The following LRRFIP2 variants were observed in gnomAD, a reference collection of about 807,000 sequenced individuals.
The protein encoded by LRRFIP2 is leucine-rich repeat flightless-interacting protein 2.
In LRRFIP2, 109 loss-of-function variants were observed where a neutral mutation model predicts 125.9. That is an observed-to-expected ratio of 0.87 (90% confidence interval 0.74 to 1.01). The LOEUF is 1.01. LRRFIP2 is among the 50% of genes least tolerant of loss of function. LRRFIP2 has a pLI of 0.00. For synonymous variants in LRRFIP2, 291 were observed against 293.1 expected (o/e 0.99, Z 0.07); for missense variants, 850 against 862.3 (o/e 0.99, Z 0.18).
intron 25 of LRRFIP2, among the ~76,000 whole-genome samples, chr3:37,056,648 T>A (rs1215738254): frequency 6.6e-6 from 1 of 151,802 alleles, no homozygotes; most frequent in African/African-American, 2.4e-5. Context: ...AGAGACGGGG[T>A]TTCACCATGT....
At chr3:37,081,639 T>C (rs2092647045) in intron 19 of LRRFIP2, among the ~76,000 whole-genome samples, 1 of 152,064 alleles carries the variant, frequency 6.6e-6, no homozygotes, top group African/African-American at 2.4e-5. Context: ...ATCTCAGCAC[T>C]GTGGGAAGCT....
chr3:37,169,469 T>C lies in LRRFIP2; in HGVS notation c.-56+5070A>G, dbSNP rs113267079. Reference sequence around the variant, plus strand: ...TTTTCTACATTTAGTCCTATAATCCTTAGGTCACTTAACTGGGATACTCAC... The same window carrying C: ...TTTTCTACATTTAGTCCTATAATCCCTAGGTCACTTAACTGGGATACTCAC... On this transcript the variant is annotated intron_variant, in intron 1 of 27. Transcript: ENST00000336686. 9.5e-3 allele frequency among the ~76,000 whole-genome samples: 1,445 copies of C among 152,292 alleles called. 21 individuals are homozygous for C. The highest frequency in any genetic ancestry group is 0.033 in the African/African-American group (1,385 of 41,562).
intron 18 of LRRFIP2, among the ~76,000 whole-genome samples, chr3:37,086,070 A>T (rs907006060): frequency 1.3e-5 from 2 of 152,228 alleles, no homozygotes; most frequent in Admixed American, 1.3e-4. Context: ...AAGGACCTGG[A>T]TATTTCTCCA....
chr3:37,167,484 T>C (rs2096523464), intron 1 of LRRFIP2, among the ~76,000 whole-genome samples: 1 of 148,606 alleles, frequency 6.7e-6, no homozygotes, highest in South Asian at 2.1e-4. Flanking sequence ...CGAAACCCCG[T>C]CTCTACTGAA....
At chr3:37,107,879 C>T (rs1489358630) in intron 13 of LRRFIP2, among the ~76,000 whole-genome samples, 194 bp downstream of exon 13, 6 of 152,172 alleles carry the variant, frequency 3.9e-5, no homozygotes, top group African/African-American at 1.2e-4. Flanking sequence ...TAAGAAATTA[C>T]ATGCTAAGTC....
chr3:37,128,703 T>C (rs1247544514), intron 3 of LRRFIP2, among the ~76,000 whole-genome samples: 1 of 152,212 alleles, frequency 6.6e-6, no homozygotes, highest in Non-Finnish European at 1.5e-5. Context: ...TAAGTCTGAA[T>C]GACTTTACAG....
At chr3:37,130,648 C>T (rs1458042836) in intron 2 of LRRFIP2, among the ~76,000 whole-genome samples, 1 of 152,218 alleles carries the variant, frequency 6.6e-6, no homozygotes, top group Admixed American at 6.5e-5. Flanking sequence ...TAAAATCTCT[C>T]AGGACGTCAA....
At position 37,052,768 on chromosome 3, in the gene LRRFIP2, T is replaced by C. The variant is rs1027523448; in HGVS notation, c.*1083A>G. 1 of 152,218 alleles carries C rather than the reference T, an allele frequency of 6.6e-6. No individual in the cohort carries two copies. The highest frequency in any genetic ancestry group is 6.5e-5 in the Admixed American group (1 of 15,278). The allele number at this position is 152,218 out of a possible 1,614,324, so 9.4% of individuals were successfully genotyped here. A position where few individuals can be genotyped will look rare whatever the true frequency, so the allele number is the denominator to read the frequency against. Reference sequence around the variant, plus strand: ...ACTTTAAAGATACAATAATCATTTCTATAAAACCACCTGGGTACTAAGAGC... The same window carrying C: ...ACTTTAAAGATACAATAATCATTTCCATAAAACCACCTGGGTACTAAGAGC... On this transcript the variant is annotated 3_prime_UTR_variant, in exon 28 of 28. Transcript: ENST00000336686.
In LRRFIP2 at chr3:37,105,438, A is replaced by G; in HGVS notation, c.783+17T>C. The G allele has an allele frequency of 5.6e-6, 9 of 1,608,922 alleles. No homozygotes were observed. Among genetic ancestry groups the G allele is most frequent in the South Asian group, 1.1e-5 (1 of 90,974 alleles). ...TTTAAAACTCATCTTATTTCTTTGCATGCAAATCATGCTCACCACACTCTC... is the reference window on the plus strand; with the variant it reads ...TTTAAAACTCATCTTATTTCTTTGCGTGCAAATCATGCTCACCACACTCTC... On this transcript the variant is annotated intron_variant, in intron 14 of 27. Transcript: ENST00000336686.
intron 6 of LRRFIP2, among the ~76,000 whole-genome samples, chr3:37,119,518 G>A (rs964654152): frequency 1.3e-5 from 2 of 152,028 alleles, no homozygotes; most frequent in African/African-American, 4.8e-5. Context: ...TAACAACTGT[G>A]TGAAAATACA....
intron 5 of LRRFIP2, 37 bp downstream of exon 5, chr3:37,121,598 A>G (rs763318467): frequency 2.5e-6 from 4 of 1,613,698 alleles, no homozygotes; most frequent in Admixed American, 1.7e-5. Context: ...GCTAATGAGG[A>G]AAAGTATTAG....
At chr3:37,165,415 T>C (rs1442517607) in intron 1 of LRRFIP2, among the ~76,000 whole-genome samples, 1 of 109,690 alleles carries the variant, frequency 9.1e-6, no homozygotes, top group Non-Finnish European at 1.7e-5. Context: ...CAAAACTGAA[T>C]CCTGGTGCCA....
At chr3:37,065,338 T>C (rs2089902925) in intron 23 of LRRFIP2, 4 of 294,678 alleles carry the variant, frequency 1.4e-5, no homozygotes, top group South Asian at 1.3e-4. Context: ...AAGTCATACT[T>C]CTCTGATATC....
At chr3:37,163,833 G>C (rs551281099) in intron 1 of LRRFIP2, among the ~76,000 whole-genome samples, 2 of 152,286 alleles carry the variant, frequency 1.3e-5, no homozygotes, top group East Asian at 3.9e-4. Context: ...GTTAAAATAG[G>C]CTTGTGATTT....
intron 25 of LRRFIP2, 56 bp downstream of exon 25, chr3:37,058,734 A>AC: frequency 6.4e-7 from 1 of 1,572,374 alleles, no homozygotes; most frequent in Non-Finnish European, 8.6e-7. Flanking sequence ...TGACAAACCC[A>AC]CCCCTGGGAC....
chr3:37,121,792 T>C (rs1484333499), intron 4 of LRRFIP2, 101 bp from the exon 5 acceptor site: 3 of 1,101,692 alleles, frequency 2.7e-6, no homozygotes, highest in Admixed American at 1.8e-5. Flanking sequence ...CAGCAACAAC[T>C]CCTGAGAGCA....
intron 15 of LRRFIP2, among the ~76,000 whole-genome samples, chr3:37,099,414 TTAATA>T (rs1559833941): frequency 6.6e-6 from 1 of 152,188 alleles, no homozygotes; most frequent in Non-Finnish European, 1.5e-5. Context: ...TTAATCATAT[TTAATA>T]TATTAAGCTG....
chr3:37,158,235 G>A (rs2096250151), intron 1 of LRRFIP2, among the ~76,000 whole-genome samples: 1 of 152,212 alleles, frequency 6.6e-6, no homozygotes, highest in African/African-American at 2.4e-5. Flanking sequence ...GTATCTCAGA[G>A]ATGTATGGAC....
intron 25 of LRRFIP2, among the ~76,000 whole-genome samples, chr3:37,055,371 T>G (rs1188708796): frequency 6.6e-6 from 1 of 152,078 alleles, no homozygotes; most frequent in Non-Finnish European, 1.5e-5. Flanking sequence ...GAGGCGACCA[T>G]CCTGGCCAAC....
Sources: allele counts gnomAD v4.1 joint callset (sites outside exome capture counted in the v4.1 genomes callset), GRCh38; gene constraint gnomAD v4.1.1; transcripts MANE v1.5; gene names NCBI Gene and HGNC (gene_info 2026-07-23, HGNC 2026-07-21).